MMP26: variants seen among roughly 807,000 people sequenced by gnomAD.
The protein encoded by MMP26 is matrix metalloproteinase-26.
MMP26 carries 33 observed loss-of-function variants against 31.0 expected under a neutral mutation model. That is an observed-to-expected ratio of 1.06 (90% CI 0.81 to 1.42). MMP26 has a LOEUF of 1.42. Among genes scored for constraint, MMP26 ranks in the 40% most tolerant of loss-of-function variants. The pLI, the probability that MMP26 is intolerant of heterozygous loss-of-function variation, is 0.00. For missense variants in MMP26, 347 were observed against 316.1 expected, an observed-to-expected ratio of 1.10 and a Z score of -0.74; for synonymous variants, 122 against 114.9, an observed-to-expected ratio of 1.06 and a Z score of -0.40.
chr11:4,936,800 A>G (rs759216321), intron 2 of MMP26, among the ~76,000 whole-genome samples: 5 of 152,294 alleles, frequency 3.3e-5, no homozygotes, highest in East Asian at 1.9e-4. Context: ...TTAAAAATAT[A>G]CCCTTTGTAA....
chr11:4,873,281 C>A (rs943500765), intron 2 of MMP26, among the ~76,000 whole-genome samples: 5 of 152,098 alleles, frequency 3.3e-5, no homozygotes, highest in African/African-American at 1.2e-4. Flanking sequence ...GCTCATCCCT[C>A]ATAATCAATT....
chr11:4,826,086 G>T (rs1177017548), intron 2 of MMP26, among the ~76,000 whole-genome samples: 7 of 152,002 alleles, frequency 4.6e-5, no homozygotes, highest in Non-Finnish European at 7.4e-5. Context: ...TCCTTCCCTT[G>T]CACTAGGCTG....
intron 2 of MMP26, among the ~76,000 whole-genome samples, chr11:4,782,413 T>C (rs1589898973): frequency 6.6e-6 from 1 of 152,126 alleles, no homozygotes; most frequent in South Asian, 2.1e-4. Flanking sequence ...ACAGAGATAA[T>C]TTAGGGTATC....
chr11:4,975,893 A>G (rs1341193351), intron 2 of MMP26, among the ~76,000 whole-genome samples: 4 of 152,076 alleles, frequency 2.6e-5, no homozygotes, highest in Non-Finnish European at 2.9e-5. Flanking sequence ...ATCAACGTAC[A>G]CTTTTTAAAA....
At chr11:4,938,579 C>T (rs1460088956) in intron 2 of MMP26, among the ~76,000 whole-genome samples, 1 of 152,064 alleles carries the variant, frequency 6.6e-6, no homozygotes, top group Admixed American at 6.6e-5. Context: ...AGGCTTTGCG[C>T]ACTTAACAAT....
chr11:4,739,286 G>A (rs145638293), intron 1 of MMP26, among the ~76,000 whole-genome samples: 97 of 152,200 alleles, frequency 6.4e-4, no homozygotes, highest in African/African-American at 2.3e-3. Context: ...TAACTCCACC[G>A]GGAAGTGGCA....
intron 2 of MMP26, among the ~76,000 whole-genome samples, chr11:4,780,376 C>CAT (rs34855723): frequency 0.095 from 14,420 of 152,132 alleles, 855 homozygotes; most frequent in Middle Eastern, 0.15. Flanking sequence ...GCCACTCTGA[C>CAT]ATATATGTAG....
chr11:4,906,026 T>G (rs1000365781), intron 2 of MMP26, among the ~76,000 whole-genome samples: 3 of 152,174 alleles, frequency 2.0e-5, no homozygotes, highest in African/African-American at 7.2e-5. Context: ...TACAGAGATA[T>G]AAGATTAAAT....
intron 2 of MMP26, among the ~76,000 whole-genome samples, chr11:4,938,455 GAAA>G (rs575523956): frequency 3.0e-5 from 4 of 134,720 alleles, no homozygotes; most frequent in African/African-American, 1.1e-4. Flanking sequence ...AGTTCAGACT[GAAA>G]AAAAAAAAAA....
Position 4,988,107 on chromosome 11 carries a change from C to A in MMP26, c.-105C>A. The stretch of plus-strand genomic sequence containing the variant: ...GCCACTCACAGATTCAAAGAAAGGG[C>A]AAACTGGCAGAGTGAGTCATTGGAT... On this transcript the variant is annotated 5_prime_UTR_variant, in exon 3 of 8. Transcript: ENST00000380390. 3.0e-6 allele frequency: 3 copies of A among 1,011,854 alleles called. No homozygotes were observed. The highest frequency in any genetic ancestry group is 1.3e-5 in the South Asian group (1 of 77,420). 62.7% of individuals were successfully genotyped at this position (1,011,854 alleles called of 1,614,324 possible).
At chr11:4,907,515 T>C in intron 2 of MMP26, 1 of 1,614,104 alleles carries the variant, frequency 6.2e-7, no homozygotes, top group East Asian at 2.2e-5. Flanking sequence ...CTCTTTATTA[T>C]AAAGACAGAG....
At chr11:4,806,216 G>A (rs1589906713) in intron 2 of MMP26, among the ~76,000 whole-genome samples, 1 of 152,122 alleles carries the variant, frequency 6.6e-6, no homozygotes. Flanking sequence ...GCGGTGGAGA[G>A]TTCTGTAGAT....
intron 2 of MMP26, among the ~76,000 whole-genome samples, chr11:4,911,104 C>A (rs916775609): frequency 6.6e-6 from 1 of 152,154 alleles, no homozygotes; most frequent in Non-Finnish European, 1.5e-5. Context: ...ATTCTGATCT[C>A]TGGGTATTAC....
At chr11:4,917,297 A>T (rs1457561320) in intron 2 of MMP26, among the ~76,000 whole-genome samples, 1 of 152,198 alleles carries the variant, frequency 6.6e-6, no homozygotes, top group Non-Finnish European at 1.5e-5. Context: ...AATTATTTAC[A>T]TTTCTAAGAT....
intron 1 of MMP26, among the ~76,000 whole-genome samples, chr11:4,706,596 AAAAGAC>A (rs1272029220): frequency 2.4e-5 from 3 of 124,330 alleles, no homozygotes; most frequent in African/African-American, 1.2e-4. Context: ...AAAAAAAAAA[AAAAGAC>A]AGAAAGAAAG....
intron 5 of MMP26, 87 bp from the exon 6 acceptor site, chr11:4,991,284 C>T: frequency 6.7e-7 from 1 of 1,482,456 alleles, no homozygotes; most frequent in Non-Finnish European, 9.1e-7. Context: ...TGCACAGTAT[C>T]CTAAGTCTCT....
chr11:4,959,709 T>C (rs1846494466), intron 2 of MMP26, among the ~76,000 whole-genome samples: 1 of 152,200 alleles, frequency 6.6e-6, no homozygotes, highest in South Asian at 2.1e-4. Flanking sequence ...TTATTTTCTT[T>C]TCTTGTCCTC....
chr11:4,854,610 T>C (rs551075706), intron 2 of MMP26, among the ~76,000 whole-genome samples: 1 of 152,354 alleles, frequency 6.6e-6, no homozygotes, highest in East Asian at 1.9e-4. Flanking sequence ...GAGGCCTGCC[T>C]GCCTCTGTAG....
chr11:4,858,974 A>T (rs1014726473), intron 2 of MMP26, among the ~76,000 whole-genome samples: 2 of 152,164 alleles, frequency 1.3e-5, no homozygotes, highest in Non-Finnish European at 2.9e-5. Context: ...AATGGGGAAA[A>T]GATTCCCTAT....
Sources: allele counts gnomAD v4.1 joint callset (sites outside exome capture counted in the v4.1 genomes callset), GRCh38; gene constraint gnomAD v4.1.1; transcripts MANE v1.5; gene names NCBI Gene and HGNC (gene_info 2026-07-23, HGNC 2026-07-21).